ELF4: variants seen among roughly 807,000 people sequenced by gnomAD.
ELF4 encodes the protein ETS-related transcription factor Elf-4.
In ELF4, 10 loss-of-function variants were observed where a neutral mutation model predicts 31.7. The observed-to-expected ratio is 0.32, with a 90% CI of 0.19 to 0.54. ELF4 has a LOEUF of 0.54. Ranked by LOEUF, ELF4 falls within the 20% of genes least tolerant of loss-of-function variation. The pLI, the probability that ELF4 is intolerant of heterozygous loss-of-function variation, is 0.95. For synonymous variants in ELF4, 208 were observed against 226.7 expected (o/e 0.92, Z 0.74); for missense variants, 418 against 522.0 (o/e 0.80, Z 1.94).
intron 1 of ELF4, among the ~76,000 whole-genome samples, chrX:130,106,405 A>C: frequency 9.0e-6 from 1 of 111,605 alleles, no homozygotes; most frequent in East Asian, 2.8e-4. Context: ...CACAGTAGGT[A>C]TTAATAAATG....
chrX:130,096,464 G>C (rs891739678), intron 1 of ELF4, among the ~76,000 whole-genome samples: 2 of 111,195 alleles, frequency 1.8e-5, no homozygotes, highest in Admixed American at 1.9e-4. Context: ...GGTGATAGGC[G>C]TCAGCCACCA....
At chrX:130,075,338 G>A (rs1400924219) in intron 2 of ELF4, among the ~76,000 whole-genome samples, 1 of 103,855 alleles carries the variant, frequency 9.6e-6, no homozygotes, top group Non-Finnish European at 2.0e-5. Context: ...GGGCAGTGGC[G>A]CAATCTTGGC....
At chrX:130,070,468 G>A (rs1932773360) in intron 7 of ELF4, among the ~76,000 whole-genome samples, 2 of 109,382 alleles carry the variant, frequency 1.8e-5, no homozygotes, top group African/African-American at 3.3e-5. Context: ...CCAGCTACTT[G>A]GGAGGCTGAC....
At chrX:130,085,299 G>A (rs761264579) in intron 1 of ELF4, among the ~76,000 whole-genome samples, 41 of 111,999 alleles carry the variant, frequency 3.7e-4, no homozygotes, top group Non-Finnish European at 6.8e-4. Flanking sequence ...TGGACCTTAA[G>A]AGGGAGTGTG....
intron 3 of ELF4, 152 bp from the exon 4 acceptor site, chrX:130,074,293 CAG>C (rs1806506293): frequency 1.5e-6 from 1 of 667,612 alleles, no homozygotes; most frequent in Non-Finnish European, 2.4e-6. Context: ...GAGGGAGAAA[CAG>C]GGGACCCTGA....
At chrX:130,092,027 C>G (rs1933067404) in intron 1 of ELF4, among the ~76,000 whole-genome samples, 1 of 112,218 alleles carries the variant, frequency 8.9e-6, no homozygotes, top group Non-Finnish European at 1.9e-5. Flanking sequence ...GTCTGCTGAC[C>G]TTTCTGCCCT....
chrX:130,080,959 C>T lies in ELF4; in HGVS notation c.75+297G>A, dbSNP rs371798869. 1.2e-4 allele frequency among the ~76,000 whole-genome samples: 13 copies of T among 112,798 alleles called. No homozygotes were observed. In the East Asian group the frequency reaches 3.3e-3, roughly 29 times the overall value. ...TTATGCGTTTGGTCCATGTTGCTGA[C>T]TAACCAACAGCCCAGCTGATGTACT... On this transcript the variant is annotated intron_variant, in intron 2 of 8. Coordinates refer to ENST00000308167, the MANE Select transcript of ELF4 (RefSeq NM_001421.4).
intron 7 of ELF4, among the ~76,000 whole-genome samples, chrX:130,070,411 A>G (rs943964337): frequency 9.1e-6 from 1 of 110,123 alleles, no homozygotes; most frequent in African/African-American, 3.3e-5. Flanking sequence ...AGTCTCTACT[A>G]AAAATACAAA....
rs1469452894 is a variant in ELF4, at chrX:130,067,824, T to G, written c.1188-299A>C. Among the ~76,000 whole-genome samples, 9 of 109,913 alleles carry G rather than the reference T, an allele frequency of 8.2e-5. No individual in the cohort carries two copies. The Admixed American group carries it at 8.7e-4, about 11-fold the overall frequency. ...ACCCAGCTAATTTTTAATTTATTTT[T>G]TTTTTTGAGACGGAGTCTTGCTCTG... On this transcript the variant is annotated intron_variant, in intron 8 of 8. Transcript: ENST00000308167.
In ELF4 at chrX:130,071,033, C is replaced by T; in HGVS notation, c.809+7G>A. 5.8e-6 allele frequency: 7 copies of T among 1,211,793 alleles called. No homozygotes were observed. Among genetic ancestry groups the T allele is most frequent in the Non-Finnish European group, 7.8e-6 (7 of 895,546 alleles). On this transcript the variant is annotated splice_region_variant and intron_variant, in intron 7 of 8. Coordinates refer to ENST00000308167, the MANE Select transcript of ELF4 (RefSeq NM_001421.4). ...CAGGGGTTCTGCATCATCCCAACAGCTCCTACCTTAGTGCCCGCCCCATTG... is the reference window on the plus strand; with the variant it reads ...CAGGGGTTCTGCATCATCCCAACAGTTCCTACCTTAGTGCCCGCCCCATTG...
chrX:130,065,842 G>A lies in ELF4; in HGVS notation c.*879C>T, dbSNP rs569539488. The stretch of plus-strand genomic sequence containing the variant: ...TGAGGCTGGAGGGCACTTCATCCCC[G>A]TCTAAATCCTTCAGCAAAGCACTTT... On this transcript the variant is annotated 3_prime_UTR_variant, in exon 9 of 9. Transcript: ENST00000308167. The A allele has an allele frequency of 5.2e-5, 9 of 172,736 alleles. No homozygotes were observed. The South Asian group carries it at 1.6e-3, about 30-fold the overall frequency. 14.2% of individuals were successfully genotyped at this position (172,736 alleles called of 1,213,427 possible).
At chrX:130,095,586 C>A (rs1933135187) in intron 1 of ELF4, among the ~76,000 whole-genome samples, 1 of 111,707 alleles carries the variant, frequency 9.0e-6, no homozygotes, top group African/African-American at 3.3e-5. Flanking sequence ...GTGTCCCAAG[C>A]CCCTCAAGGA....
rs1422710402 is a variant in ELF4, at chrX:130,110,450, G to T, written c.-335C>A. 4 of 110,657 alleles carry T rather than the reference G, an allele frequency of 3.6e-5. No individual in the cohort carries two copies. Among genetic ancestry groups the T allele is most frequent in the Non-Finnish European group, 7.6e-5 (4 of 52,398 alleles). 9.1% of individuals were successfully genotyped at this position (110,657 alleles called of 1,213,427 possible). A position where few individuals can be genotyped will look rare whatever the true frequency, so the allele number is the denominator to read the frequency against. ...AGCCCGTCCTCTCCCCTCGGAAGCCGGGCCGGGCGAGCGGCGCCAGGAACT... is the reference window on the plus strand; with the variant it reads ...AGCCCGTCCTCTCCCCTCGGAAGCCTGGCCGGGCGAGCGGCGCCAGGAACT... On this transcript the variant is annotated 5_prime_UTR_variant, in exon 1 of 9. Coordinates refer to ENST00000308167, the MANE Select transcript of ELF4 (RefSeq NM_001421.4).
intron 1 of ELF4, among the ~76,000 whole-genome samples, chrX:130,097,393 C>T (rs1006347009): frequency 3.7e-5 from 4 of 109,531 alleles, no homozygotes; most frequent in African/African-American, 1.0e-4. Flanking sequence ...GTTGAGATCG[C>T]GCCACTGCAC....
chrX:130,082,683 G>C (rs1476740257), intron 1 of ELF4, among the ~76,000 whole-genome samples: 2 of 111,546 alleles, frequency 1.8e-5, no homozygotes, highest in African/African-American at 6.5e-5. Context: ...TGTTGTGGGT[G>C]GTCACACCCA....
At chrX:130,086,427 C>A (rs749119925) in intron 1 of ELF4, among the ~76,000 whole-genome samples, 5 of 111,976 alleles carry the variant, frequency 4.5e-5, no homozygotes, top group Admixed American at 1.9e-4. Context: ...TCTTTGCAGG[C>A]CTTGATCTGT....
chrX:130,095,038 G>C (rs1347370315), intron 1 of ELF4, among the ~76,000 whole-genome samples: 2 of 111,759 alleles, frequency 1.8e-5, no homozygotes, highest in Admixed American at 9.5e-5. Context: ...AGTGGGGCGT[G>C]GGTGCTTGTG....
In ELF4 at chrX:130,070,376, T is replaced by C. The variant is rs186377630; in HGVS notation, c.809+664A>G. ...TCACGAGGTCAGCAGATTGAAACCA[T>C]CCTGGCTAACATGGTGAAACCCCCA... On this transcript the variant is annotated intron_variant, in intron 7 of 8. Coordinates refer to ENST00000308167, the MANE Select transcript of ELF4 (RefSeq NM_001421.4). 6.2e-3 allele frequency among the ~76,000 whole-genome samples: 684 copies of C among 110,502 alleles called. 5 individuals carry two copies. Among genetic ancestry groups the C allele is most frequent in the African/African-American group, 0.021 (642 of 30,446 alleles).
intron 1 of ELF4, among the ~76,000 whole-genome samples, chrX:130,082,323 C>G (rs3788842): frequency 0.21 from 23,565 of 110,686 alleles, 2,250 homozygotes; most frequent in South Asian, 0.44. Context: ...TTCGTCAGCA[C>G]CCCCCTCTCA....
Sources: allele counts gnomAD v4.1 joint callset (sites outside exome capture counted in the v4.1 genomes callset), GRCh38; gene constraint gnomAD v4.1.1; transcripts MANE v1.5; gene names NCBI Gene and HGNC (gene_info 2026-07-23, HGNC 2026-07-21).